RAD51B: variants seen among roughly 807,000 people sequenced by gnomAD.
The protein encoded by RAD51B is RAD51 paralog B, also known as DNA repair protein RAD51 homolog 2.
In RAD51B, 38 loss-of-function variants were observed where a neutral mutation model predicts 42.2. That is an observed-to-expected ratio of 0.90 (90% CI 0.70 to 1.18). RAD51B has a LOEUF of 1.18. RAD51B is among the 50% of genes most tolerant of loss of function. RAD51B has a pLI of 0.00. For missense variants in RAD51B, 373 were observed against 400.7 expected, an observed-to-expected ratio of 0.93 and a Z score of 0.59; for synonymous variants, 154 against 145.2, an observed-to-expected ratio of 1.06 and a Z score of -0.43.
At chr14:68,066,755 C>T (rs981545994) in intron 7 of RAD51B, among the ~76,000 whole-genome samples, 1 of 151,900 alleles carries the variant, frequency 6.6e-6, no homozygotes, top group African/African-American at 2.4e-5. Context: ...GACCTTATCT[C>T]TAAAATATAA....
intron 8 of RAD51B, among the ~76,000 whole-genome samples, chr14:68,292,909 A>G (rs1055349335): frequency 1.3e-5 from 2 of 152,228 alleles, no homozygotes; most frequent in Admixed American, 6.5e-5. Context: ...GTTCAGGGAT[A>G]CATCATCATA....
rs1320036746 is a variant in RAD51B, at chr14:68,534,973, C to G, written c.1037-59512C>G. On this transcript the variant is annotated intron_variant, in intron 10 of 10. Transcript: ENST00000487270. ...TGTTATTATTATTATTATTACTCTC[C>G]CCATTTTATAGATGAGAACATTGAG... Among the ~76,000 whole-genome samples the G allele has an allele frequency of 2.6e-5, 4 of 151,768 alleles. No individual in the cohort carries two copies. The East Asian group carries it at 7.7e-4, about 29-fold the overall frequency.
intron 7 of RAD51B, among the ~76,000 whole-genome samples, chr14:68,256,174 G>T (rs529716440): frequency 2.0e-5 from 3 of 152,318 alleles, no homozygotes; most frequent in African/African-American, 7.2e-5. Context: ...CCCTATTTGG[G>T]TGTTGAATCT....
intron 7 of RAD51B, among the ~76,000 whole-genome samples, chr14:68,131,745 G>C (rs995742661): frequency 2.0e-5 from 3 of 152,014 alleles, no homozygotes; most frequent in Admixed American, 6.6e-5. Flanking sequence ...ATCGCTCTCT[G>C]TTCTGGTCAG....
At chr14:68,271,160 T>A (rs774369627) in intron 7 of RAD51B, among the ~76,000 whole-genome samples, 2 of 152,224 alleles carry the variant, frequency 1.3e-5, no homozygotes, top group Non-Finnish European at 2.9e-5. Context: ...TCATTTGTCA[T>A]TTATTACGTT....
intron 7 of RAD51B, among the ~76,000 whole-genome samples, chr14:68,097,966 C>T (rs1202008242): frequency 6.6e-6 from 1 of 152,166 alleles, no homozygotes; most frequent in African/African-American, 2.4e-5. Context: ...ATGTGCTGTT[C>T]ATTCTGCAGA....
intron 9 of RAD51B, among the ~76,000 whole-genome samples, chr14:68,433,065 G>A (rs1391953463): frequency 6.6e-6 from 1 of 152,190 alleles, no homozygotes; most frequent in Non-Finnish European, 1.5e-5. Flanking sequence ...TAAGAATGTT[G>A]AATATTGGCC....
chr14:68,058,225 A>T (rs1008851756), intron 7 of RAD51B, among the ~76,000 whole-genome samples: 1 of 152,058 alleles, frequency 6.6e-6, no homozygotes, highest in Non-Finnish European at 1.5e-5. Context: ...TTTATTCACA[A>T]TTGGTTTACC....
At chr14:68,456,335 G>C (rs2085685349) in intron 9 of RAD51B, among the ~76,000 whole-genome samples, 2 of 152,136 alleles carry the variant, frequency 1.3e-5, no homozygotes, top group African/African-American at 2.4e-5. Context: ...TATATATGCT[G>C]TCTACAGGAG....
At chr14:68,598,380 A>G (rs533592697), downstream of RAD51B, among the ~76,000 whole-genome samples, 1 of 152,360 alleles carries the variant, frequency 6.6e-6, no homozygotes, top group East Asian at 1.9e-4. Flanking sequence ...ACTCTCAGCC[A>G]GGAGGAGATG....
At position 68,512,046 on chromosome 14, in the gene RAD51B, G is replaced by T. The variant is rs111409706; in HGVS notation, c.1036+43796G>T. On this transcript the variant is annotated intron_variant, in intron 10 of 10. Coordinates refer to the RAD51B transcript ENST00000487270. ...AAAGGACTTTTCCCCCCAAAATCTAGGTTTGGGGAAAGTCTGGTGACTTTT... is the reference window on the plus strand; with the variant it reads ...AAAGGACTTTTCCCCCCAAAATCTATGTTTGGGGAAAGTCTGGTGACTTTT... Among the ~76,000 whole-genome samples, 6 of 152,332 alleles carry T rather than the reference G, an allele frequency of 3.9e-5. 1 individual carries two copies. The highest frequency in any genetic ancestry group is 4.1e-4 in the South Asian group (2 of 4,824).
intron 4 of RAD51B, among the ~76,000 whole-genome samples, chr14:67,860,869 T>C (rs1381286263): frequency 6.6e-6 from 1 of 152,144 alleles, no homozygotes; most frequent in East Asian, 1.9e-4. Flanking sequence ...AGTATTTCAG[T>C]ATGGTATTAA....
intron 9 of RAD51B, among the ~76,000 whole-genome samples, chr14:68,434,443 G>A (rs1208329164): frequency 1.3e-5 from 2 of 152,196 alleles, no homozygotes; most frequent in Non-Finnish European, 2.9e-5. Flanking sequence ...CTCAGCAATG[G>A]CAGGTGCCTC....
chr14:68,385,930 A>C (rs1442322188), intron 8 of RAD51B, among the ~76,000 whole-genome samples: 1 of 152,184 alleles, frequency 6.6e-6, no homozygotes, highest in East Asian at 1.9e-4. Flanking sequence ...AGGCACTGAG[A>C]GATTGTTTGT....
At chr14:68,477,277 A>T (rs1882715110) in intron 10 of RAD51B, among the ~76,000 whole-genome samples, 2 of 152,222 alleles carry the variant, frequency 1.3e-5, no homozygotes. Flanking sequence ...CATCTAAATC[A>T]TGGTCCCCTG....
chr14:68,009,322 G>A (rs2075645647), intron 7 of RAD51B, among the ~76,000 whole-genome samples: 1 of 151,826 alleles, frequency 6.6e-6, no homozygotes, highest in African/African-American at 2.4e-5. Flanking sequence ...GACTTTGTGG[G>A]TTTAAATACC....
At chr14:67,836,234 A>G (rs995921559) in intron 4 of RAD51B, among the ~76,000 whole-genome samples, 1 of 152,168 alleles carries the variant, frequency 6.6e-6, no homozygotes, top group Non-Finnish European at 1.5e-5. Context: ...CACTTACATG[A>G]CTGGCAAATG....
chr14:68,425,512 A>T (rs944927937), intron 9 of RAD51B, among the ~76,000 whole-genome samples: 4 of 152,076 alleles, frequency 2.6e-5, no homozygotes, highest in Non-Finnish European at 5.9e-5. Flanking sequence ...TCTCTCTGTC[A>T]CCCTCTCTTT....
At chr14:68,179,065 T>C (rs2079011899) in intron 7 of RAD51B, among the ~76,000 whole-genome samples, 1 of 152,164 alleles carries the variant, frequency 6.6e-6, no homozygotes, top group African/African-American at 2.4e-5. Flanking sequence ...GTAAGAGCAA[T>C]GCCACCTTCC....
Sources: gnomAD v4.1 joint callset for allele counts (sites outside exome capture counted in the v4.1 genomes callset) on GRCh38, gnomAD v4.1.1 for gene constraint, MANE v1.5 for transcripts, NCBI Gene and HGNC (gene_info 2026-07-23, HGNC 2026-07-21) for gene names.